Variants in POLE observed in about 807,000 individuals in gnomAD.
POLE encodes DNA polymerase epsilon catalytic subunit A.
Under a neutral mutation model 279.2 loss-of-function variants are expected in POLE, and 188 were observed. The observed-to-expected ratio is 0.67, with a 90% CI of 0.60 to 0.76. The LOEUF (loss-of-function observed/expected upper bound fraction) is 0.76. Ranked by LOEUF, POLE falls within the 30% of genes least tolerant of loss-of-function variation. The pLI is 0.00. For missense variants in POLE, 2,703 were observed against 3,016.7 expected (o/e 0.90, Z 2.44); for synonymous variants, 1,214 against 1,172.5 (o/e 1.04, Z -0.72).
chr12:132,665,976 A>C (rs993787425), intron 20 of POLE, among the ~76,000 whole-genome samples: 2 of 152,240 alleles, frequency 1.3e-5, no homozygotes, highest in African/African-American at 4.8e-5. Flanking sequence ...ATGAACAAGT[A>C]ATTTAGCAGT....
At position 132,661,602 on chromosome 12, in the gene POLE, A is replaced by G. The variant is rs1197229740; in HGVS notation, c.2789T>C (p.Phe930Ser). Residue 930 changes from phenylalanine (F) to serine (S), a missense_variant, in exon 24 of 49, where the codon TTT (phenylalanine) becomes TCT (serine). By Grantham distance (155) the Phe-to-Ser change is radical (BLOSUM62 -2). Around this residue, in one of 5 missense-constraint regions of POLE, gnomAD observed 101 missense variants for 115.4 expected, o/e 0.87. Transcript: ENST00000320574. The surrounding 1 kb of genome is among the most constrained non-coding windows in gnomAD (Gnocchi z 4.1). The stretch of plus-strand genomic sequence containing the variant: ...AAGGTAGGGCCCATCAACCTCAAAA[A>G]AGATGCTGTTCTCTGAGCGGGTGAC... The part of the protein sequence containing the change: ...TYVTRSENSI[F>S]FEVDGPYLAM... The G allele has an allele frequency of 6.2e-7, 1 of 1,614,048 alleles. No homozygotes were observed. The highest frequency in any genetic ancestry group is 1.3e-5 in the African/African-American group (1 of 74,918).
chr12:132,659,009 G>A (rs1332318336), intron 26 of POLE, among the ~76,000 whole-genome samples: 1 of 151,148 alleles, frequency 6.6e-6, no homozygotes, highest in African/African-American at 2.4e-5. Context: ...CAAACTGTCA[G>A]TGTTGTAACC....
chr12:132,629,721 A>C (rs4883540), intron 45 of POLE, among the ~76,000 whole-genome samples: 104,102 of 152,090 alleles, frequency 0.68, 36,770 homozygotes, highest in African/African-American at 0.85. Flanking sequence ...CAGCAACAGG[A>C]TGCTTCACTT....
In POLE at chr12:132,626,177, G is replaced by A. The variant is rs1478004242; in HGVS notation, c.6471C>T (p.Ile2157=). ...PCRSYVLPEV[I]CRSCNFCRDL... is the part of the protein sequence containing the mutation. ...CGCGGCAGAAGTTACAGCTGCGGCA[G>A]ATGACCTCAGGAAGCACGTAGGAGC... Residue 2157 remains isoleucine, a synonymous_variant, in exon 46 of 49, where the codon ATC becomes ATT. Coordinates refer to ENST00000320574, the MANE Select transcript of POLE (RefSeq NM_006231.4). 2 of 1,612,946 alleles carry A rather than the reference G, an allele frequency of 1.2e-6. No homozygotes were observed. Among genetic ancestry groups the A allele is most frequent in the Non-Finnish European group, 1.7e-6 (2 of 1,179,624 alleles).
At chr12:132,686,958 T>C (rs1383965757) in intron 1 of POLE, among the ~76,000 whole-genome samples, 3 of 138,564 alleles carry the variant, frequency 2.2e-5, no homozygotes, top group Non-Finnish European at 4.6e-5. Flanking sequence ...GCGCGGCAGG[T>C]CCCAAACGCA....
intron 32 of POLE, among the ~76,000 whole-genome samples, chr12:132,644,323 CTTTTTTTTTTT>C (rs57257940): frequency 5.6e-4 from 60 of 107,708 alleles, no homozygotes; most frequent in African/African-American, 1.2e-3. Context: ...CCACGGATGG[CTTTTTTTTTTT>C]TTTTTTTTTT....
At chr12:132,659,606 C>T in intron 25 of POLE, 97 bp from the exon 26 acceptor site, 1 of 999,532 alleles carries the variant, frequency 1.0e-6, no homozygotes. Context: ...CTTCTCTAGC[C>T]TGAGACGCAG....
At position 132,657,120 on chromosome 12, in the gene POLE, G is replaced by A. The variant is rs374051195; in HGVS notation, c.3582+16C>T. 67 of 1,613,238 alleles carry A rather than the reference G, an allele frequency of 4.2e-5. No individual in the cohort carries two copies. The highest frequency in any genetic ancestry group is 1.3e-4 in the African/African-American group (10 of 74,944). On this transcript the variant is annotated intron_variant, in intron 29 of 48. Transcript: ENST00000320574. ...CAAGGATCCCGCCCAGCCCAGCCTT[G>A]GGGCCCCACCGTCACCTGTCTCCTG... is the stretch of plus-strand genomic sequence containing the variant.
intron 41 of POLE, 97 bp from the exon 42 acceptor site, chr12:132,636,121 C>T: frequency 8.1e-7 from 1 of 1,241,022 alleles, no homozygotes; most frequent in South Asian, 1.6e-5. Flanking sequence ...CCTCCACTTA[C>T]TTAACACTGA....
intron 5 of POLE, 107 bp from the exon 6 acceptor site, chr12:132,679,758 C>T (rs1189193326): frequency 7.5e-7 from 1 of 1,327,542 alleles, no homozygotes; most frequent in Non-Finnish European, 1.0e-6. Flanking sequence ...TTGGCGACTT[C>T]AAGGCACCTT....
chr12:132,672,916 G>C (rs986808300), intron 14 of POLE, 77 bp from the exon 15 acceptor site: 2 of 1,316,804 alleles, frequency 1.5e-6, no homozygotes, highest in Non-Finnish European at 2.1e-6. Flanking sequence ...AGGAACCTAA[G>C]CTGAACTTCA....
intron 29 of POLE, among the ~76,000 whole-genome samples, chr12:132,654,591 G>A (rs557694302): frequency 6.6e-6 from 1 of 152,178 alleles, no homozygotes; most frequent in Admixed American, 6.5e-5. Context: ...AAAAAGATGT[G>A]ACCAGCCAGG....
At position 132,625,727 on chromosome 12, in the gene POLE, G is replaced by T; in HGVS notation, c.6575C>A (p.Ala2192Glu). Residue 2192 changes from alanine to glutamate, a missense_variant, in exon 47 of 49, where the codon GCG (alanine) becomes GAG (glutamate). Transcript: ENST00000320574. Reference protein sequence around the residue: ...LPQWLCSNCQAPYDSSAIEMT... With the variant: ...LPQWLCSNCQEPYDSSAIEMT... The stretch of plus-strand genomic sequence containing the variant: ...CTCGATGGCAGAGGAGTCGTAGGGC[G>T]CCTGACAGTTGGAGCAGAGCCACTG... 6.2e-7 allele frequency: 1 copy of T among 1,613,190 alleles called. No individual in the cohort carries two copies. The highest frequency in any genetic ancestry group is 8.5e-7 in the Non-Finnish European group (1 of 1,180,020).
intron 32 of POLE, 68 bp from the exon 33 acceptor site, chr12:132,644,045 G>C (rs2042219925): frequency 1.3e-6 from 2 of 1,523,310 alleles, no homozygotes; most frequent in Admixed American, 1.8e-5. Context: ...CACACACAAA[G>C]CACACGCTAT....
At chr12:132,657,496 T>C in intron 27 of POLE, 67 bp from the exon 28 acceptor site, 1 of 1,317,460 alleles carries the variant, frequency 7.6e-7, no homozygotes, top group East Asian at 2.3e-5. Flanking sequence ...GCTCACTTCA[T>C]GCTGAGCACA....
Position 132,680,212 on chromosome 12 carries a change from G to A in POLE, c.296C>T (p.Pro99Leu), listed in dbSNP as rs5744739. ...DDGSRFKVALPYKPYFYIATR... is the reference protein window; with the variant it reads ...DDGSRFKVALLYKPYFYIATR... ...CGCAATGTAGAAATACGGTTTATAG[G>A]GCAAAGCCACCTGTTAAGAGTCACC... is the stretch of plus-strand genomic sequence containing the variant. Residue 99 changes from proline (P) to leucine (L), a missense_variant, in exon 4 of 49, where the codon CCC (proline) becomes CTC (leucine). Around this residue, in one of 5 missense-constraint regions of POLE, gnomAD observed 1,011 missense variants for 1,111.7 expected, o/e 0.91. Coordinates refer to ENST00000320574, the MANE Select transcript of POLE (RefSeq NM_006231.4). The A allele has an allele frequency of 2.2e-4, 350 of 1,614,034 alleles. 2 individuals are homozygous for A. In the African/African-American group the frequency reaches 4.1e-3, roughly 19 times the overall value.
In POLE at chr12:132,649,691, G is replaced by C; in HGVS notation, c.3781C>G (p.Leu1261Val). ...GTGTGCCTTACCTGGCTGGTTCCCA[G>C]GGCGGGAGGCTGCCCCAAGATTTCC... The part of the protein sequence containing the change: ...WQEILGQPPA[L>V]GTSQEEWLVW... The change falls in exon 30 of 49, where the codon CTG becomes GTG. Residue 1261 changes from leucine (L) to valine (V), a missense_variant. This residue lies in a region of POLE where 1,551 missense variants were observed against 1,686.1 expected (regional missense o/e 0.92). Transcript: ENST00000320574. 6.2e-7 allele frequency: 1 copy of C among 1,614,018 alleles called. No homozygotes were observed. Among genetic ancestry groups the C allele is most frequent in the Non-Finnish European group, 8.5e-7 (1 of 1,180,010 alleles).
chr12:132,637,173 A>G (rs1207521218), intron 41 of POLE, among the ~76,000 whole-genome samples: 1 of 152,238 alleles, frequency 6.6e-6, no homozygotes, highest in African/African-American at 2.4e-5. Flanking sequence ...TTGTGTTTCA[A>G]ATTAATCCAG....
At chr12:132,673,064 C>G in intron 14 of POLE, 100 bp downstream of exon 14, 1 of 867,388 alleles carries the variant, frequency 1.2e-6, no homozygotes, top group Non-Finnish European at 1.9e-6. Flanking sequence ...GCCTCTGGTG[C>G]CAGCACTCCT....
Sources: allele counts gnomAD v4.1 joint callset (sites outside exome capture counted in the v4.1 genomes callset), GRCh38; gene constraint gnomAD v4.1.1; regional missense constraint gnomAD v4.1.1; non-coding constraint Gnocchi (gnomAD v3.1); transcripts MANE v1.5; gene names NCBI Gene and HGNC (gene_info 2026-07-23, HGNC 2026-07-21).